GXYLT1: variants seen among roughly 807,000 people sequenced by gnomAD.
The protein encoded by GXYLT1 is glycosyltransferase 8 domain containing 3.
In GXYLT1, 29 loss-of-function variants were observed where a neutral mutation model predicts 54.0. The observed-to-expected ratio is 0.54, with a 90% CI of 0.40 to 0.73. The LOEUF is 0.73. Among genes scored for constraint, GXYLT1 ranks in the 30% least tolerant of loss-of-function variants. GXYLT1 has a pLI of 0.00. For synonymous variants in GXYLT1, 176 were observed against 204.1 expected (o/e 0.86, Z 1.17); for missense variants, 490 against 553.4 (o/e 0.89, Z 1.15).
rs2065505495 is a variant in GXYLT1, at chr12:42,117,724, T to C, written c.486+1276A>G. ...TGAGATTTCAGGTGAGTTTTCTTTT[T>C]CTTATATGTTCTTCTGCCTCTATCT... is the stretch of plus-strand genomic sequence containing the variant. On this transcript the variant is annotated intron_variant, in intron 3 of 7. Coordinates refer to ENST00000398675, the MANE Select transcript of GXYLT1 (RefSeq NM_173601.2). Among the ~76,000 whole-genome samples, 4 of 152,322 alleles carry C rather than the reference T, an allele frequency of 2.6e-5. No individual in the cohort carries two copies. The South Asian group carries it at 8.3e-4, about 32-fold the overall frequency.
intron 5 of GXYLT1, among the ~76,000 whole-genome samples, chr12:42,102,210 G>A (rs961738573): frequency 3.3e-5 from 5 of 152,060 alleles, no homozygotes; most frequent in South Asian, 4.1e-4. Context: ...AAATTAAAGC[G>A]CATTCACATT....
Position 42,084,263 on chromosome 12 carries a change from CCATT to C in GXYLT1, c.*3519_*3522del, listed in dbSNP as rs1473932660. The stretch of plus-strand genomic sequence containing the variant: ...TCTCTTACTCTGCCCTTTGCCATCC[CCATT>C]CTTACTCCTTTCTCTTTCCTCACCC... On this transcript the variant is annotated 3_prime_UTR_variant, in exon 8 of 8. Transcript: ENST00000398675. 6 of 35,516 alleles carry C rather than the reference CCATT, an allele frequency of 1.7e-4. No individual in the cohort carries two copies. Among genetic ancestry groups the C allele is most frequent in the Non-Finnish European group, 2.7e-4 (4 of 14,646 alleles). The allele number at this position is 35,516 out of a possible 1,614,324, so 2.2% of individuals were successfully genotyped here. A position where few individuals can be genotyped will look rare whatever the true frequency, so the allele number is the denominator to read the frequency against.
At chr12:42,110,567 C>G (rs563164566) in intron 3 of GXYLT1, among the ~76,000 whole-genome samples, 10 of 152,206 alleles carry the variant, frequency 6.6e-5, no homozygotes, top group African/African-American at 2.4e-4. Context: ...TGTTTTGAGA[C>G]AAGGTCTCAC....
At chr12:42,109,032 T>C (rs1297565666) in intron 4 of GXYLT1, among the ~76,000 whole-genome samples, 1 of 152,184 alleles carries the variant, frequency 6.6e-6, no homozygotes, top group Non-Finnish European at 1.5e-5. Context: ...TCATAGAACA[T>C]TACCAAAGAA....
At chr12:42,109,714 T>C (rs1158993704) in intron 3 of GXYLT1, 23 bp from the exon 4 acceptor site, 1 of 1,285,672 alleles carries the variant, frequency 7.8e-7, no homozygotes. Context: ...AAAAAAAAAC[T>C]GTTTAGTTTC....
At chr12:42,097,843 T>C in intron 6 of GXYLT1, 67 bp downstream of exon 6, 1 of 1,228,874 alleles carries the variant, frequency 8.1e-7, no homozygotes, top group Non-Finnish European at 1.2e-6. Context: ...TAAGTGCATG[T>C]TTTCCTTTTT....
At chr12:42,140,009 G>A (rs1459681754) in intron 1 of GXYLT1, among the ~76,000 whole-genome samples, 5 of 151,770 alleles carry the variant, frequency 3.3e-5, no homozygotes, top group African/African-American at 1.2e-4. Context: ...GTGAAACGCC[G>A]TCTCTACTAA....
At chr12:42,117,900 A>G (rs2065506779) in intron 3 of GXYLT1, among the ~76,000 whole-genome samples, 1 of 152,188 alleles carries the variant, frequency 6.6e-6, no homozygotes, top group Admixed American at 6.5e-5. Flanking sequence ...AAATGTCACA[A>G]TGACTTCTAG....
chr12:42,144,630 CGCAGG>C lies in GXYLT1; in HGVS notation c.12_16del (p.Tyr4Ter). ...GCAGGCCACACACAGCACCACGACG[CGCAGG>C]TAGCGCCGCATCGCCCCGGCCGCGC... is the stretch of plus-strand genomic sequence containing the variant. On this transcript the variant is annotated stop_gained and frameshift_variant, in exon 1 of 8. Transcript: ENST00000398675. LOFTEE classifies it high-confidence loss of function. The C allele has an allele frequency of 6.8e-7, 1 of 1,464,862 alleles. No individual in the cohort carries two copies. Among genetic ancestry groups the C allele is most frequent in the Non-Finnish European group, 9.0e-7 (1 of 1,106,608 alleles). 90.7% of individuals were successfully genotyped at this position (1,464,862 alleles called of 1,614,324 possible). A position where few individuals can be genotyped will look rare whatever the true frequency, so the allele number is the denominator to read the frequency against.
rs1018364563 is a variant in GXYLT1, at chr12:42,086,511, T to C, written c.*1275A>G. ...GAGAAAAAGAAGATAACCATATAGA[T>C]AATCATATTGTTGGTAAAATAAGAT... On this transcript the variant is annotated 3_prime_UTR_variant, in exon 8 of 8. Coordinates refer to ENST00000398675, the MANE Select transcript of GXYLT1 (RefSeq NM_173601.2). 2.0e-5 allele frequency: 3 copies of C among 149,906 alleles called. No homozygotes were observed. Among genetic ancestry groups the C allele is most frequent in the African/African-American group, 7.4e-5 (3 of 40,748 alleles). The allele number at this position is 149,906 out of a possible 1,614,324, so 9.3% of individuals were successfully genotyped here. A position where few individuals can be genotyped will look rare whatever the true frequency, so the allele number is the denominator to read the frequency against.
At chr12:42,121,830 A>G (rs771890275) in intron 2 of GXYLT1, among the ~76,000 whole-genome samples, 3 of 152,032 alleles carry the variant, frequency 2.0e-5, no homozygotes, top group Non-Finnish European at 2.9e-5. Flanking sequence ...AGTATTATAT[A>G]CAGTACAGGC....
At chr12:42,144,401 C>T (rs910284831) in intron 1 of GXYLT1, 25 bp downstream of exon 1, 4 of 1,349,114 alleles carry the variant, frequency 3.0e-6, no homozygotes, top group Non-Finnish European at 3.8e-6. Flanking sequence ...CCCGCCGCGT[C>T]CCCCACACCG....
intron 5 of GXYLT1, among the ~76,000 whole-genome samples, chr12:42,098,267 G>A (rs893070360): frequency 1.5e-4 from 23 of 152,210 alleles, no homozygotes; most frequent in African/African-American, 4.6e-4. Flanking sequence ...AGTCACGAAA[G>A]AAAGCGAAAG....
rs946656641 is a variant in GXYLT1, at chr12:42,085,904, G to A, written c.*1882C>T. On this transcript the variant is annotated 3_prime_UTR_variant, in exon 8 of 8. Transcript: ENST00000398675. ...CAAACATGGTAAGATAGTGATAAGT[G>A]TCAGATCTGGATGTTGAGTACCAAT... 3 of 151,652 alleles carry A rather than the reference G, an allele frequency of 2.0e-5. No homozygotes were observed. Among genetic ancestry groups the A allele is most frequent in the Non-Finnish European group, 4.4e-5 (3 of 67,898 alleles). 9.4% of individuals were successfully genotyped at this position (151,652 alleles called of 1,614,324 possible).
At chr12:42,140,569 A>ACCGT (rs1555143464) in intron 1 of GXYLT1, among the ~76,000 whole-genome samples, 1 of 151,586 alleles carries the variant, frequency 6.6e-6, no homozygotes, top group African/African-American at 2.4e-5. Flanking sequence ...CAAGGTCAAC[A>ACCGT]CAGTAAGTGG....
At chr12:42,104,897 G>A (rs920915823) in intron 5 of GXYLT1, among the ~76,000 whole-genome samples, 1 of 151,974 alleles carries the variant, frequency 6.6e-6, no homozygotes, top group Non-Finnish European at 1.5e-5. Flanking sequence ...ACTCCTAGAG[G>A]GTATAGTGTT....
intron 1 of GXYLT1, among the ~76,000 whole-genome samples, chr12:42,137,127 C>T (rs553556704): frequency 8.5e-5 from 13 of 152,242 alleles, no homozygotes; most frequent in Admixed American, 4.6e-4. Context: ...AGATAGGAGG[C>T]TTCAGTGAAA....
intron 3 of GXYLT1, among the ~76,000 whole-genome samples, chr12:42,118,489 A>G (rs1273020972): frequency 6.6e-6 from 1 of 152,238 alleles, no homozygotes; most frequent in Admixed American, 6.5e-5. Flanking sequence ...CTGGACTCAG[A>G]TGGAAGTGGT....
In GXYLT1 at chr12:42,081,876, G is replaced by A. The variant is rs528699464; in HGVS notation, c.*5910C>T. On this transcript the variant is annotated 3_prime_UTR_variant, in exon 8 of 8. Transcript: ENST00000398675. ...GAAATAAAACGTTTATTGAGTAAAT[G>A]TTTATTTAGTAACAGCAACACATAG... is the stretch of plus-strand genomic sequence containing the variant. 6.6e-6 allele frequency: 1 copy of A among 152,246 alleles called. No individual in the cohort carries two copies. The highest frequency in any genetic ancestry group is 1.5e-5 in the Non-Finnish European group (1 of 68,020). The allele number at this position is 152,246 out of a possible 1,614,324, so 9.4% of individuals were successfully genotyped here.
Sources: allele counts gnomAD v4.1 joint callset (sites outside exome capture counted in the v4.1 genomes callset), GRCh38; gene constraint gnomAD v4.1.1; transcripts MANE v1.5; gene names NCBI Gene and HGNC (gene_info 2026-07-23, HGNC 2026-07-21).